The following LMF1 variants were observed in gnomAD, a reference collection of about 807,000 sequenced individuals.
The protein encoded by LMF1 is lipase maturation factor 1.
LMF1 carries 68 observed loss-of-function variants against 60.6 expected under a neutral mutation model. That is an observed-to-expected ratio of 1.12 (90% confidence interval 0.92 to 1.37). The LOEUF (loss-of-function observed/expected upper bound fraction) is 1.37. Ranked by LOEUF, LMF1 falls within the 40% of genes most tolerant of loss-of-function variation. The probability of loss-of-function intolerance (pLI) is 0.00; values close to 1 mark genes in which losing one functional copy is unlikely to be tolerated. For synonymous variants in LMF1, 418 were observed against 324.7 expected (o/e 1.29, Z -3.09); for missense variants, 948 against 767.2 (o/e 1.24, Z -2.78).
At chr16:968,672 C>A (rs1297385902) in intron 1 of LMF1, 1 of 152,212 alleles carries the variant, frequency 6.6e-6, no homozygotes, top group Non-Finnish European at 1.5e-5. Context: ...AATGTACTCA[C>A]AAGACAGAAG....
rs1003824724 is a variant in LMF1 at position 976,652 on chromosome 16, CCACACT to C, written c.-135+4487_-135+4492del. 5 of 454,124 alleles carry C rather than the reference CCACACT, an allele frequency of 1.1e-5. No individual in the cohort carries two copies. In the East Asian group the frequency reaches 2.1e-4, roughly 19 times the overall value. 28.1% of individuals were successfully genotyped at this position (454,124 alleles called of 1,614,324 possible). ...TGCGTGCTGTTGGCGCCCCCCACCC[CCACACT>C]GAGAGTGGAGACGGATAGGCCCAGC... On this transcript the variant is annotated intron_variant, in intron 1 of 6. Transcript: ENST00000570014.
chr16:869,178 C>T (rs2069702153), intron 9 of LMF1, 122 bp from the exon 10 acceptor site: 1 of 740,590 alleles, frequency 1.4e-6, no homozygotes, highest in South Asian at 1.4e-5. Flanking sequence ...GTTCCCTGGG[C>T]AGCCGCACTC....
rs201822350 is a variant in LMF1 at position 950,709 on chromosome 16, T to C, written c.503+3648A>G. On this transcript the variant is annotated intron_variant, in intron 2 of 10. Coordinates refer to ENST00000262301, the MANE Select transcript of LMF1 (RefSeq NM_022773.4). Reference sequence around the variant, plus strand: ...CAGCCAACGACAGAGTCAGAGCCAATGACAGAGTCAGAGCCAACGACAGAG... The same window carrying C: ...CAGCCAACGACAGAGTCAGAGCCAACGACAGAGTCAGAGCCAACGACAGAG... Among the ~76,000 whole-genome samples the C allele has an allele frequency of 3.6e-3, 378 of 106,194 alleles. 5 individuals carry two copies. Among genetic ancestry groups the C allele is most frequent in the African/African-American group, 0.014 (340 of 23,672 alleles). The allele number at this position is 106,194 out of a possible 152,430, so 69.7% of individuals were successfully genotyped here.
chr16:856,499 G>T (rs1339009471), intron 10 of LMF1, among the ~76,000 whole-genome samples: 1 of 152,232 alleles, frequency 6.6e-6, no homozygotes, highest in Non-Finnish European at 1.5e-5. Context: ...TAGTGAGGCC[G>T]GGAGGGTGGG....
chr16:963,962 C>T (rs1287663337), intron 1 of LMF1: 1 of 438,904 alleles, frequency 2.3e-6, no homozygotes, highest in Non-Finnish European at 4.7e-6. Context: ...AGCAGTCAAG[C>T]TTCGGAAGGC....
At chr16:941,626 G>A (rs1386332789) in intron 2 of LMF1, among the ~76,000 whole-genome samples, 6 of 152,132 alleles carry the variant, frequency 3.9e-5, no homozygotes, top group South Asian at 4.1e-4. Flanking sequence ...AGTCTCACCT[G>A]GTTTTTCGTC....
At chr16:914,885 G>A (rs56358677) in intron 3 of LMF1, among the ~76,000 whole-genome samples, 11,004 of 147,972 alleles carry the variant, frequency 0.074, 509 homozygotes, top group East Asian at 0.18. Context: ...AGATGGAAAC[G>A]TGGTTTCTCT....
chr16:912,856 G>A (rs2071160188), intron 3 of LMF1, among the ~76,000 whole-genome samples: 1 of 152,270 alleles, frequency 6.6e-6, no homozygotes, highest in Admixed American at 6.5e-5. Context: ...CTCCGCCTCA[G>A]CGTGGCGGAC....
intron 5 of LMF1, among the ~76,000 whole-genome samples, chr16:887,806 T>A (rs2070354820): frequency 6.6e-6 from 1 of 151,932 alleles, no homozygotes; most frequent in Non-Finnish European, 1.5e-5. Context: ...GCAGGGGCAG[T>A]GCTTCCGGAT....
At chr16:886,135 G>A (rs1212943467) in intron 5 of LMF1, among the ~76,000 whole-genome samples, 1 of 152,238 alleles carries the variant, frequency 6.6e-6, no homozygotes, top group Non-Finnish European at 1.5e-5. Context: ...ACCGCCGTAG[G>A]GTAGTGGGTG....
chr16:907,539 G>C (rs1170713346), intron 4 of LMF1, among the ~76,000 whole-genome samples: 2 of 152,112 alleles, frequency 1.3e-5, no homozygotes, highest in African/African-American at 4.8e-5. Context: ...GAGGGCCACG[G>C]GGCTCCCCCT....
At chr16:932,010 G>A (rs372738721) in intron 3 of LMF1, among the ~76,000 whole-genome samples, 3 of 152,208 alleles carry the variant, frequency 2.0e-5, no homozygotes, top group Non-Finnish European at 2.9e-5. Flanking sequence ...CGCAGCCCCC[G>A]ACGGCGGCCA....
chr16:894,967 G>C (rs112130516), intron 4 of LMF1, among the ~76,000 whole-genome samples: 7 of 152,056 alleles, frequency 4.6e-5, no homozygotes, highest in African/African-American at 1.7e-4. Context: ...GCCCCGGGGC[G>C]GGGTGGGGAT....
intron 3 of LMF1, among the ~76,000 whole-genome samples, chr16:914,977 C>T (rs868285935): frequency 3.3e-5 from 5 of 152,262 alleles, no homozygotes; most frequent in South Asian, 4.1e-4. Context: ...CCTAAATCGG[C>T]GTCTCTAAGG....
At chr16:871,638 C>T (rs1370809264) in intron 6 of LMF1, 1 of 378,270 alleles carries the variant, frequency 2.6e-6, no homozygotes, top group Non-Finnish European at 4.8e-6. Flanking sequence ...CTGGACCAGA[C>T]CACCAGACCC....
At chr16:926,409 G>A (rs776341530) in intron 3 of LMF1, among the ~76,000 whole-genome samples, 25 of 152,072 alleles carry the variant, frequency 1.6e-4, no homozygotes, top group Non-Finnish European at 3.1e-4. Context: ...CGTATGATCT[G>A]CATATGCATC....
chr16:937,562 G>T (rs1010533940), intron 2 of LMF1, among the ~76,000 whole-genome samples: 2 of 152,200 alleles, frequency 1.3e-5, no homozygotes, highest in Admixed American at 6.5e-5. Flanking sequence ...GGTCGTTGGG[G>T]TCTCTGTGCT....
In LMF1 at chr16:970,932, T is replaced by G. The variant is rs1351629741; in HGVS notation, c.49A>C (p.Arg17=). ...TMAAPAESLR[R]RKTGYSDPEP... ...GGATCCGAGTACCCAGTCTTCCGCC[T>G]CCTCAGCGACTCCGCGGGCGCCGCC... is the stretch of plus-strand genomic sequence containing the variant. Residue 17 remains arginine (R), a synonymous_variant, in exon 1 of 11, where the codon AGG becomes CGG. Coordinates refer to ENST00000262301, the MANE Select transcript of LMF1 (RefSeq NM_022773.4). 5.1e-6 allele frequency: 8 copies of G among 1,562,476 alleles called. No individual in the cohort carries two copies. Among genetic ancestry groups the G allele is most frequent in the Non-Finnish European group, 6.9e-6 (8 of 1,151,160 alleles).
chr16:950,437 A>ACAACGACAGAGTCAGC (rs1295904644), intron 2 of LMF1, among the ~76,000 whole-genome samples: 4 of 81,146 alleles, frequency 4.9e-5, no homozygotes, highest in Non-Finnish European at 9.4e-5. Context: ...AGAGTTAGAG[A>ACAACGACAGAGTCAGC]CAACGACAGA....
Sources: gnomAD v4.1 joint callset for allele counts (sites outside exome capture counted in the v4.1 genomes callset) on GRCh38, gnomAD v4.1.1 for gene constraint, MANE v1.5 for transcripts, NCBI Gene and HGNC (gene_info 2026-07-23, HGNC 2026-07-21) for gene names.